The following KLF3 variants were observed in gnomAD, a reference collection of about 807,000 sequenced individuals.
KLF3 encodes the protein Krueppel-like factor 3.
KLF3 carries 6 observed loss-of-function variants against 32.7 expected under a neutral mutation model. That is an observed-to-expected ratio of 0.18 (90% confidence interval 0.10 to 0.36). The LOEUF is 0.36. KLF3 is among the 10% of genes least tolerant of loss of function. The pLI is 1.00. For missense variants in KLF3, 338 were observed against 449.7 expected (o/e 0.75, Z 2.25); for synonymous variants, 145 against 172.8 (o/e 0.84, Z 1.26).
chr4:38,684,643 G>A (rs1369367266), intron 2 of KLF3, among the ~76,000 whole-genome samples: 2 of 144,986 alleles, frequency 1.4e-5, no homozygotes, highest in Non-Finnish European at 3.0e-5. Context: ...AACCTCAAAC[G>A]CCTGGGTTCA....
intron 2 of KLF3, among the ~76,000 whole-genome samples, chr4:38,683,565 G>GTTTTT (rs397879531): frequency 7.1e-6 from 1 of 139,920 alleles, no homozygotes; most frequent in Non-Finnish European, 1.6e-5. Flanking sequence ...CCGAGCTTCT[G>GTTTTT]TTTTTTTTTT....
At chr4:38,670,247 G>A (rs1021577155) in intron 1 of KLF3, among the ~76,000 whole-genome samples, 15 of 152,150 alleles carry the variant, frequency 9.9e-5, no homozygotes, top group African/African-American at 1.7e-4. Flanking sequence ...GTAAGGGGGC[G>A]CTCCCTGAGG....
At chr4:38,668,237 G>C (rs1444929820) in intron 1 of KLF3, among the ~76,000 whole-genome samples, 1 of 151,876 alleles carries the variant, frequency 6.6e-6, no homozygotes, top group East Asian at 1.9e-4. Flanking sequence ...CTTAATATTA[G>C]TTTTCTGTTG....
At chr4:38,696,186 GAAAAAAAAA>G (rs57996051) in intron 5 of KLF3, among the ~76,000 whole-genome samples, 1 of 99,266 alleles carries the variant, frequency 1.0e-5, no homozygotes, top group African/African-American at 3.9e-5. Context: ...TTAGATGTAG[GAAAAAAAAA>G]AAAAAAAAAA....
intron 4 of KLF3, among the ~76,000 whole-genome samples, chr4:38,693,091 CGT>C (rs1491472091): frequency 1.9e-5 from 2 of 108,084 alleles, no homozygotes; most frequent in Admixed American, 1.1e-4. Context: ...TATATATACA[CGT>C]ATATATATAT....
chr4:38,682,123 ACCT>A (rs1722544838), intron 2 of KLF3, among the ~76,000 whole-genome samples: 1 of 152,216 alleles, frequency 6.6e-6, no homozygotes, highest in African/African-American at 2.4e-5. Context: ...CAGTGGTGTG[ACCT>A]CAGCTCACTG....
At chr4:38,667,131 C>T (rs1021126930) in intron 1 of KLF3, among the ~76,000 whole-genome samples, 13 of 152,174 alleles carry the variant, frequency 8.5e-5, no homozygotes, top group Admixed American at 8.5e-4. Flanking sequence ...ATTATTCACA[C>T]CCGTAGAACA....
At chr4:38,669,537 A>C (rs1722137245) in intron 1 of KLF3, among the ~76,000 whole-genome samples, 1 of 152,108 alleles carries the variant, frequency 6.6e-6, no homozygotes. Flanking sequence ...GTCATAGAAG[A>C]GGCACAATGC....
At chr4:38,694,663 C>T in intron 4 of KLF3, 83 bp from the exon 5 acceptor site, 4 of 1,192,584 alleles carry the variant, frequency 3.4e-6, no homozygotes, top group Non-Finnish European at 3.5e-6. Context: ...TGTTTTTGCC[C>T]AGTGTTGTTA....
intron 1 of KLF3, among the ~76,000 whole-genome samples, chr4:38,677,046 C>T (rs536079511): frequency 5.9e-5 from 9 of 151,282 alleles, no homozygotes; most frequent in African/African-American, 1.9e-4. Flanking sequence ...CTGCAACCTC[C>T]GCCTGCTGGG....
intron 1 of KLF3, among the ~76,000 whole-genome samples, chr4:38,672,249 C>T (rs1261197126): frequency 6.6e-6 from 1 of 152,216 alleles, no homozygotes; most frequent in African/African-American, 2.4e-5. Context: ...ATGTTAGCTC[C>T]TTAGGCTTGA....
At position 38,701,485 on chromosome 4, in the gene KLF3, C is replaced by T. The variant is rs1005688179; in HGVS notation, c.*4222C>T. Among the ~76,000 whole-genome samples the T allele has an allele frequency of 6.6e-5, 10 of 152,090 alleles. No individual in the cohort carries two copies. The highest frequency in any genetic ancestry group is 1.7e-4 in the African/African-American group (7 of 41,410). Reference sequence around the variant, plus strand: ...TGGGGAACGAGGAACAGAACAATAACGCATTAAAGTAAATAACTCTGGATA... The same window carrying T: ...TGGGGAACGAGGAACAGAACAATAATGCATTAAAGTAAATAACTCTGGATA... On this transcript the variant is annotated 3_prime_UTR_variant, in exon 6 of 6. Transcript: ENST00000261438.
chr4:38,679,775 C>T (rs902592994), intron 1 of KLF3, among the ~76,000 whole-genome samples: 1 of 152,106 alleles, frequency 6.6e-6, no homozygotes, highest in African/African-American at 2.4e-5. Flanking sequence ...ATGATAGGTA[C>T]TAAATACCAT....
chr4:38,677,533 T>C (rs958806543), intron 1 of KLF3, among the ~76,000 whole-genome samples: 10 of 152,234 alleles, frequency 6.6e-5, no homozygotes, highest in Admixed American at 6.5e-4. Flanking sequence ...CATCTTAATT[T>C]ATTCTGCTGT....
At chr4:38,668,304 A>G (rs1722100869) in intron 1 of KLF3, among the ~76,000 whole-genome samples, 1 of 151,966 alleles carries the variant, frequency 6.6e-6, no homozygotes, top group South Asian at 2.1e-4. Flanking sequence ...AAGTTTTGGA[A>G]AGTGCTTTTG....
intron 2 of KLF3, among the ~76,000 whole-genome samples, chr4:38,683,248 G>A (rs1722583423): frequency 6.6e-6 from 1 of 152,060 alleles, no homozygotes; most frequent in Non-Finnish European, 1.5e-5. Flanking sequence ...TTCTATAGAT[G>A]AATAAAAATA....
rs1723186873 is a variant in KLF3, at chr4:38,701,383, C to T, written c.*4120C>T. The stretch of plus-strand genomic sequence containing the variant: ...GCCTGCTTCCAAAAAGAACTTGCAG[C>T]ATTTTGTATTAAAAGACGCATGTGT... On this transcript the variant is annotated 3_prime_UTR_variant, in exon 6 of 6. Coordinates refer to ENST00000261438, the MANE Select transcript of KLF3 (RefSeq NM_016531.6). Among the ~76,000 whole-genome samples, 1 of 142,316 alleles carries T rather than the reference C, an allele frequency of 7.0e-6. No homozygotes were observed. The highest frequency in any genetic ancestry group is 2.5e-5 in the African/African-American group (1 of 40,056). 93.4% of individuals were successfully genotyped at this position (142,316 alleles called of 152,430 possible).
chr4:38,694,694 A>G, intron 4 of KLF3, 52 bp from the exon 5 acceptor site: 2 of 1,464,664 alleles, frequency 1.4e-6, no homozygotes, highest in Non-Finnish European at 1.8e-6. Flanking sequence ...TAGACTGATG[A>G]AAAAGGAAGA....
At chr4:38,684,044 G>A (rs1488158222) in intron 2 of KLF3, among the ~76,000 whole-genome samples, 1 of 152,132 alleles carries the variant, frequency 6.6e-6, no homozygotes, top group Non-Finnish European at 1.5e-5. Flanking sequence ...GACTTGACCT[G>A]TAATGGACAT....
Sources: allele counts gnomAD v4.1 joint callset (sites outside exome capture counted in the v4.1 genomes callset), GRCh38; gene constraint gnomAD v4.1.1; transcripts MANE v1.5; gene names NCBI Gene and HGNC (gene_info 2026-07-23, HGNC 2026-07-21).